TRIM5: variants seen among roughly 807,000 people sequenced by gnomAD.
The protein encoded by TRIM5 is tripartite motif containing 5, also known as tripartite motif-containing protein 5.
In TRIM5, 31 loss-of-function variants were observed where a neutral mutation model predicts 35.6. The observed-to-expected ratio is 0.87, with a 90% CI of 0.65 to 1.18. The LOEUF is 1.18. Among genes scored for constraint, TRIM5 ranks in the 50% most tolerant of loss-of-function variants. TRIM5 has a pLI of 0.00. For missense variants in TRIM5, 609 were observed against 591.6 expected, an observed-to-expected ratio of 1.03 and a Z score of -0.31; for synonymous variants, 243 against 215.6, an observed-to-expected ratio of 1.13 and a Z score of -1.11.
At chr11:5,673,471 A>G (rs1182426598) in intron 4 of TRIM5, among the ~76,000 whole-genome samples, 2 of 152,288 alleles carry the variant, frequency 1.3e-5, no homozygotes, top group East Asian at 1.9e-4. Flanking sequence ...TGACAACTCA[A>G]TAACAACTGG....
At chr11:5,633,998 C>T in the TRIM5 span, 1 of 1,305,732 alleles carries the variant, frequency 7.7e-7, no homozygotes, top group South Asian at 1.4e-5. Flanking sequence ...TGCATGAGTC[C>T]TGAAGCCATT....
At chr11:5,671,906 A>T (rs1284976840) in intron 4 of TRIM5, among the ~76,000 whole-genome samples, 1 of 152,152 alleles carries the variant, frequency 6.6e-6, no homozygotes, top group Non-Finnish European at 1.5e-5. Flanking sequence ...AATAACTAAT[A>T]TGAGACCCAC....
intron 6 of TRIM5, 46 bp downstream of exon 6, chr11:5,665,935 C>T: frequency 5.7e-6 from 9 of 1,566,340 alleles, no homozygotes; most frequent in Non-Finnish European, 5.2e-6. Context: ...AGCACCCTAA[C>T]ACCACTTGAA....
At chr11:5,620,164 C>G in the TRIM5 span, 1 of 97,158 alleles carries the variant, frequency 1.0e-5, no homozygotes, top group Non-Finnish European at 2.0e-5. Context: ...CCTTTTCTTT[C>G]TTCTTTTTTT....
At chr11:5,632,497 T>C in the TRIM5 span, 1 of 1,614,068 alleles carries the variant, frequency 6.2e-7, no homozygotes, top group Admixed American at 1.7e-5. Context: ...AAAAAGCAGC[T>C]GTCCTGTGTG....
intron 4 of TRIM5, among the ~76,000 whole-genome samples, chr11:5,676,315 GACAA>G (rs1179353188): frequency 1.3e-5 from 2 of 151,986 alleles, no homozygotes; most frequent in African/African-American, 4.8e-5. Context: ...ACCAACAACA[GACAA>G]ACAGAGAGCC....
downstream of TRIM5, among the ~76,000 whole-genome samples, chr11:5,659,336 G>A (rs1220581517): frequency 1.3e-5 from 2 of 152,048 alleles, no homozygotes; most frequent in Non-Finnish European, 2.9e-5. Flanking sequence ...GGGAACAAGG[G>A]AACTTTTCTC....
the TRIM5 span, chr11:5,632,144 T>G: frequency 6.9e-7 from 1 of 1,455,556 alleles, no homozygotes; most frequent in Non-Finnish European, 9.1e-7. Flanking sequence ...TTTCTCTTCC[T>G]CATCTTCTTT....
chr11:5,649,393 T>G, the TRIM5 span, among the ~76,000 whole-genome samples: 2 of 152,312 alleles, frequency 1.3e-5, no homozygotes, highest in African/African-American at 4.8e-5. Context: ...TTGCCTGAGC[T>G]GAGTTGTTGT....
intron 1 of TRIM5, among the ~76,000 whole-genome samples, chr11:5,681,873 AC>A (rs1344705127): frequency 8.9e-6 from 1 of 111,952 alleles, no homozygotes; most frequent in Non-Finnish European, 1.7e-5. Context: ...ATCTCGGCTC[AC>A]CACAACCTCT....
chr11:5,675,688 GTT>G (rs888486716), intron 4 of TRIM5, among the ~76,000 whole-genome samples: 2 of 147,650 alleles, frequency 1.4e-5, no homozygotes, highest in African/African-American at 5.0e-5. Flanking sequence ...CTTCTGTTGT[GTT>G]TTTTTTGTTT....
chr11:5,653,915 C>G, the TRIM5 span, among the ~76,000 whole-genome samples: 1 of 151,902 alleles, frequency 6.6e-6, no homozygotes, highest in African/African-American at 2.4e-5. Flanking sequence ...GAAATTATTT[C>G]TTCTGCTTGA....
chr11:5,648,453 C>T, the TRIM5 span, among the ~76,000 whole-genome samples: 1 of 151,820 alleles, frequency 6.6e-6, no homozygotes, highest in South Asian at 2.1e-4. Flanking sequence ...TTGCAGTGAG[C>T]CGAGATCGCG....
the TRIM5 span, chr11:5,642,339 C>T: frequency 2.1e-6 from 3 of 1,424,584 alleles, no homozygotes; most frequent in South Asian, 1.2e-5. Flanking sequence ...GAGATGAAAC[C>T]AGTGATGTGG....
chr11:5,611,773 T>C, the TRIM5 span: 5 of 187,260 alleles, frequency 2.7e-5, no homozygotes, highest in Admixed American at 2.1e-4. Flanking sequence ...TTTTAAACAG[T>C]TACTCAGTAC....
chr11:5,630,054 C>T, the TRIM5 span, among the ~76,000 whole-genome samples: 25 of 152,104 alleles, frequency 1.6e-4, no homozygotes, highest in Admixed American at 1.2e-3. Context: ...CATGTGGATG[C>T]GTGTGAAACT....
At chr11:5,640,300 C>T in the TRIM5 span, among the ~76,000 whole-genome samples, 2 of 151,982 alleles carry the variant, frequency 1.3e-5, no homozygotes, top group African/African-American at 4.8e-5. Flanking sequence ...TCTTCTATTC[C>T]AAGTTTGTTA....
the TRIM5 span, among the ~76,000 whole-genome samples, chr11:5,622,006 G>T: frequency 6.6e-6 from 1 of 152,050 alleles, no homozygotes; most frequent in Admixed American, 6.5e-5. Flanking sequence ...CTTCAGCCTT[G>T]GTAAAATAAA....
At chr11:5,660,893 T>C (rs769480671), downstream of TRIM5, among the ~76,000 whole-genome samples, 1 of 151,278 alleles carries the variant, frequency 6.6e-6, no homozygotes, top group Non-Finnish European at 1.5e-5. Context: ...ATACCAAAAA[T>C]TAGCTGGGCA....
Sources: gnomAD v4.1 joint callset for allele counts (sites outside exome capture counted in the v4.1 genomes callset) on GRCh38, gnomAD v4.1.1 for gene constraint, MANE v1.5 for transcripts, NCBI Gene and HGNC (gene_info 2026-07-23, HGNC 2026-07-21) for gene names.